ROBO1: variants seen among roughly 807,000 people sequenced by gnomAD.
ROBO1 encodes the protein roundabout guidance receptor 1.
A neutral mutation model predicts 195.9 loss-of-function variants in ROBO1; 149 were observed. The observed-to-expected ratio is 0.76, with a 90% CI of 0.67 to 0.87. The LOEUF (loss-of-function observed/expected upper bound fraction) is 0.87. ROBO1 is among the 40% of genes least tolerant of loss of function. The pLI is 0.00. For missense variants in ROBO1, 1,933 were observed against 2,068.3 expected, an observed-to-expected ratio of 0.93 and a Z score of 1.27; for synonymous variants, 816 against 733.2, an observed-to-expected ratio of 1.11 and a Z score of -1.82.
At chr3:78,611,135 C>T (rs1703782508) in intron 28 of ROBO1, among the ~76,000 whole-genome samples, 1 of 152,146 alleles carries the variant, frequency 6.6e-6, no homozygotes, top group Non-Finnish European at 1.5e-5. Context: ...CATATAAGAA[C>T]ATACGCATTC....
chr3:79,439,171 C>T (rs1003446060), intron 2 of ROBO1, among the ~76,000 whole-genome samples: 2 of 152,032 alleles, frequency 1.3e-5, no homozygotes, highest in Non-Finnish European at 2.9e-5. Context: ...GATAATACCA[C>T]TAATAAATAT....
intron 2 of ROBO1, among the ~76,000 whole-genome samples, chr3:79,245,528 A>G (rs2082607621): frequency 6.6e-6 from 1 of 151,986 alleles, no homozygotes; most frequent in South Asian, 2.1e-4. Context: ...CTTTCCAGAT[A>G]TGTGTTGGGG....
At chr3:78,804,094 T>TCTC (rs1300950713) in intron 4 of ROBO1, among the ~76,000 whole-genome samples, 1 of 152,134 alleles carries the variant, frequency 6.6e-6, no homozygotes, top group East Asian at 1.9e-4. Flanking sequence ...AGCTAACAAA[T>TCTC]CTCCGCTCAT....
intron 9 of ROBO1, 124 bp from the exon 10 acceptor site, chr3:78,686,041 A>G: frequency 1.3e-6 from 1 of 765,572 alleles, no homozygotes; most frequent in South Asian, 2.0e-5. Flanking sequence ...ACATATGCAT[A>G]TGTATCCGTC....
chr3:79,445,481 G>GTT (rs34514488), intron 2 of ROBO1, among the ~76,000 whole-genome samples: 198 of 85,682 alleles, frequency 2.3e-3, no homozygotes, highest in African/African-American at 6.4e-3. Context: ...TACAGAAATT[G>GTT]TTTTTTTTTT....
At chr3:79,084,200 T>C (rs2079325546) in intron 3 of ROBO1, among the ~76,000 whole-genome samples, 1 of 152,194 alleles carries the variant, frequency 6.6e-6, no homozygotes, top group African/African-American at 2.4e-5. Flanking sequence ...TTTTCTCATC[T>C]GTTTAAAGAG....
intron 26 of ROBO1, among the ~76,000 whole-genome samples, chr3:78,620,754 A>C (rs1281165271): frequency 3.3e-5 from 5 of 152,062 alleles, no homozygotes; most frequent in Non-Finnish European, 7.4e-5. Flanking sequence ...TGAAATTCAG[A>C]GGGATTAAGG....
intron 1 of ROBO1, among the ~76,000 whole-genome samples, chr3:79,707,228 A>T (rs1000357948): frequency 6.6e-6 from 1 of 152,128 alleles, no homozygotes; most frequent in African/African-American, 2.4e-5. Context: ...GTACTGACAT[A>T]TGGTGTCTTT....
intron 25 of ROBO1, 26 bp from the exon 26 acceptor site, chr3:78,627,595 GACTT>G (rs1355283826): frequency 1.3e-6 from 2 of 1,582,554 alleles, no homozygotes; most frequent in Non-Finnish European, 8.6e-7. Flanking sequence ...AGGATGTGTA[GACTT>G]ACTTCAGGTT....
chr3:79,200,338 T>C (rs534419749), intron 2 of ROBO1, among the ~76,000 whole-genome samples: 2 of 151,598 alleles, frequency 1.3e-5, no homozygotes, highest in South Asian at 4.3e-4. Flanking sequence ...AAAAAATAGG[T>C]ATTTATTTAT....
intron 5 of ROBO1, among the ~76,000 whole-genome samples, chr3:78,734,321 G>GAGTGTGGT (rs2082344973): frequency 6.6e-6 from 1 of 151,548 alleles, no homozygotes. Context: ...TTTTGGGTCT[G>GAGTGTGGT]AGTGTGGTGA....
At chr3:78,953,048 A>C (rs556962548) in intron 3 of ROBO1, among the ~76,000 whole-genome samples, 1 of 152,158 alleles carries the variant, frequency 6.6e-6, no homozygotes, top group South Asian at 2.1e-4. Context: ...GTCCCCAGAG[A>C]TATGAAAAAG....
At chr3:78,603,602 T>C (rs1703300493) in intron 29 of ROBO1, among the ~76,000 whole-genome samples, 1 of 152,012 alleles carries the variant, frequency 6.6e-6, no homozygotes, top group African/African-American at 2.4e-5. Flanking sequence ...GTCAGCAAAA[T>C]GATCAGAAAT....
At chr3:78,945,289 C>T (rs1350800565) in intron 3 of ROBO1, among the ~76,000 whole-genome samples, 1 of 152,130 alleles carries the variant, frequency 6.6e-6, no homozygotes, top group Non-Finnish European at 1.5e-5. Flanking sequence ...GGACTGACAC[C>T]TCACACGGCC....
intron 3 of ROBO1, among the ~76,000 whole-genome samples, chr3:79,025,974 G>A (rs536793830): frequency 7.2e-5 from 11 of 152,168 alleles, no homozygotes; most frequent in African/African-American, 2.6e-4. Flanking sequence ...TCTTGATCAC[G>A]ATTCTCTACC....
chr3:79,103,079 GTGAAACCAATACATGTGTT>G (rs1402722889), intron 3 of ROBO1, among the ~76,000 whole-genome samples: 1 of 151,782 alleles, frequency 6.6e-6, no homozygotes, highest in African/African-American at 2.4e-5. Flanking sequence ...TTGATATGTT[GTGAAACCAATACATGTGTT>G]TAACTGAATT....
chr3:78,792,706 C>A (rs192700506), intron 4 of ROBO1, among the ~76,000 whole-genome samples: 40 of 152,286 alleles, frequency 2.6e-4, no homozygotes, highest in African/African-American at 8.9e-4. Flanking sequence ...GTTATAATGA[C>A]TGCTATCTAT....
intron 3 of ROBO1, among the ~76,000 whole-genome samples, chr3:79,034,698 T>A (rs1240501663): frequency 6.6e-6 from 1 of 152,162 alleles, no homozygotes; most frequent in African/African-American, 2.4e-5. Context: ...GGGAGCTACT[T>A]GAAAACTTAT....
At chr3:79,565,926 C>G (rs1226275327) in intron 2 of ROBO1, among the ~76,000 whole-genome samples, 3 of 152,066 alleles carry the variant, frequency 2.0e-5, no homozygotes, top group Non-Finnish European at 2.9e-5. Context: ...AATGAAACCA[C>G]AAGTCCAATA....
Sources: gnomAD v4.1 joint callset for allele counts (sites outside exome capture counted in the v4.1 genomes callset) on GRCh38, gnomAD v4.1.1 for gene constraint, MANE v1.5 for transcripts, NCBI Gene and HGNC (gene_info 2026-07-23, HGNC 2026-07-21) for gene names.